The following DLGAP2 variants were observed in gnomAD, a reference collection of about 807,000 sequenced individuals.
The protein encoded by DLGAP2 is DLG associated protein 2.
DLGAP2 carries 26 observed loss-of-function variants against 100.3 expected under a neutral mutation model. That is an observed-to-expected ratio of 0.26 (90% CI 0.19 to 0.36). The LOEUF is 0.36. Among genes scored for constraint, DLGAP2 ranks in the 10% least tolerant of loss-of-function variants. The pLI is 1.00. For synonymous variants in DLGAP2, 886 were observed against 630.1 expected, an observed-to-expected ratio of 1.41 and a Z score of -6.08; for missense variants, 1,858 against 1,453.2, an observed-to-expected ratio of 1.28 and a Z score of -4.53.
intron 2 of DLGAP2, among the ~76,000 whole-genome samples, chr8:1,191,570 G>A (rs1403563801): frequency 5.9e-5 from 9 of 152,090 alleles, no homozygotes; most frequent in Admixed American, 1.3e-4. Flanking sequence ...CTGAAAATCC[G>A]CCCTCTGCAC....
chr8:1,546,942 G>A (rs1372033527), intron 4 of DLGAP2, among the ~76,000 whole-genome samples: 1 of 152,124 alleles, frequency 6.6e-6, no homozygotes, highest in Non-Finnish European at 1.5e-5. Flanking sequence ...TGAGGAGACG[G>A]CCACGCTCAG....
chr8:1,501,989 A>G (rs531174128), intron 4 of DLGAP2, among the ~76,000 whole-genome samples: 3 of 152,352 alleles, frequency 2.0e-5, no homozygotes, highest in South Asian at 2.1e-4. Context: ...CATATTTGCC[A>G]TCAGTCTTTT....
At chr8:1,076,310 A>T (rs894887208) in intron 2 of DLGAP2, among the ~76,000 whole-genome samples, 1 of 152,246 alleles carries the variant, frequency 6.6e-6, no homozygotes, top group Non-Finnish European at 1.5e-5. Flanking sequence ...CGCAGCTCAC[A>T]CGGCACTGAC....
chr8:1,075,020 T>G (rs1323909390), intron 2 of DLGAP2, among the ~76,000 whole-genome samples: 15 of 130,090 alleles, frequency 1.2e-4, no homozygotes, highest in South Asian at 2.5e-4. Context: ...AGGGGTGGAG[T>G]GGGGGATGGC....
At chr8:1,241,736 G>GT (rs1798801168) in intron 2 of DLGAP2, among the ~76,000 whole-genome samples, 1 of 81,688 alleles carries the variant, frequency 1.2e-5, no homozygotes, top group African/African-American at 5.8e-5. Flanking sequence ...CAAAACATAT[G>GT]TAAGTGGTGA....
At chr8:965,245 T>A (rs28733939) in intron 2 of DLGAP2, among the ~76,000 whole-genome samples, 138 of 72,082 alleles carry the variant, frequency 1.9e-3, no homozygotes, top group East Asian at 3.4e-3. Flanking sequence ...ACTGTTCACC[T>A]CACACGGCTC....
At chr8:811,093 C>T (rs993629270) in intron 1 of DLGAP2, among the ~76,000 whole-genome samples, 108 of 152,336 alleles carry the variant, frequency 7.1e-4, no homozygotes, top group African/African-American at 2.4e-3. Flanking sequence ...TGTTTGTGCA[C>T]GGTGCCTCCC....
At chr8:1,053,730 C>G (rs1299392545) in intron 2 of DLGAP2, among the ~76,000 whole-genome samples, 2 of 152,086 alleles carry the variant, frequency 1.3e-5, no homozygotes, top group Admixed American at 1.3e-4. Context: ...CCATAACAAC[C>G]AAGCAAGTAA....
chr8:1,605,049 A>G (rs546582116), intron 6 of DLGAP2, among the ~76,000 whole-genome samples: 1 of 152,306 alleles, frequency 6.6e-6, no homozygotes, highest in East Asian at 1.9e-4. Context: ...GGCGGGGCAC[A>G]CCACCCTGCA....
chr8:1,542,093 C>T (rs1801381905), intron 4 of DLGAP2, among the ~76,000 whole-genome samples: 1 of 152,220 alleles, frequency 6.6e-6, no homozygotes, highest in South Asian at 2.1e-4. Context: ...AAAAAATAAA[C>T]ATAACTGCTT....
chr8:967,765 GTA>G (rs1262660337), intron 2 of DLGAP2, among the ~76,000 whole-genome samples: 3 of 52,638 alleles, frequency 5.7e-5, no homozygotes, highest in African/African-American at 1.3e-4. Context: ...ACAAAGAGGT[GTA>G]TATATATATA....
At chr8:741,883 G>A (rs1331954810) in intron 1 of DLGAP2, among the ~76,000 whole-genome samples, 1 of 152,250 alleles carries the variant, frequency 6.6e-6, no homozygotes, top group Non-Finnish European at 1.5e-5. Context: ...CAGCGGGAAA[G>A]GTGTAAGGCC....
intron 8 of DLGAP2, among the ~76,000 whole-genome samples, chr8:1,662,438 C>T (rs1798429450): frequency 6.6e-6 from 1 of 152,182 alleles, no homozygotes; most frequent in African/African-American, 2.4e-5. Flanking sequence ...TTGAATTTTG[C>T]AGTGGGCAAG....
chr8:1,000,748 C>G (rs1800931679), intron 2 of DLGAP2, among the ~76,000 whole-genome samples: 1 of 152,122 alleles, frequency 6.6e-6, no homozygotes, highest in South Asian at 2.1e-4. Context: ...ACGTCGACTG[C>G]AGGGGCGTTG....
intron 3 of DLGAP2, among the ~76,000 whole-genome samples, chr8:1,320,225 G>C (rs572161644): frequency 6.6e-6 from 1 of 152,076 alleles, no homozygotes; most frequent in Non-Finnish European, 1.5e-5. Flanking sequence ...AGGATGAAAT[G>C]ATTTGCAGGG....
intron 1 of DLGAP2, among the ~76,000 whole-genome samples, chr8:868,383 AGAGGT>A (rs1242169386): frequency 1.3e-5 from 2 of 152,116 alleles, no homozygotes; most frequent in African/African-American, 4.8e-5. Flanking sequence ...TTCCTCCAGA[AGAGGT>A]TTATCTACAG....
chr8:1,485,900 TGTC>T (rs1337413202), intron 3 of DLGAP2, among the ~76,000 whole-genome samples: 2 of 152,160 alleles, frequency 1.3e-5, no homozygotes, highest in African/African-American at 2.4e-5. Flanking sequence ...GGTTGGCACC[TGTC>T]GTCCCAGCTA....
intron 2 of DLGAP2, among the ~76,000 whole-genome samples, chr8:1,232,635 T>A (rs1798561345): frequency 6.6e-6 from 1 of 152,252 alleles, no homozygotes; most frequent in African/African-American, 2.4e-5. Flanking sequence ...CACAAGATGC[T>A]TTCATGTAGG....
intron 2 of DLGAP2, among the ~76,000 whole-genome samples, chr8:1,088,422 C>G (rs1804048960): frequency 6.6e-6 from 1 of 152,140 alleles, no homozygotes; most frequent in East Asian, 1.9e-4. Context: ...TGGCTGATTT[C>G]CATCTTCTAT....
Sources: gnomAD v4.1 joint callset for allele counts (sites outside exome capture counted in the v4.1 genomes callset) on GRCh38, gnomAD v4.1.1 for gene constraint, MANE v1.5 for transcripts, NCBI Gene and HGNC (gene_info 2026-07-23, HGNC 2026-07-21) for gene names.